The following GRM7 variants were observed in gnomAD, a reference collection of about 807,000 sequenced individuals.
GRM7 encodes metabotropic glutamate receptor 7.
GRM7 carries 35 observed loss-of-function variants against 84.5 expected under a neutral mutation model. The observed-to-expected ratio is 0.41, with a 90% CI of 0.32 to 0.55. GRM7 has a LOEUF of 0.55. Among genes scored for constraint, GRM7 ranks in the 20% least tolerant of loss-of-function variants. GRM7 has a pLI of 0.19. For synonymous variants in GRM7, 487 were observed against 455.1 expected, an observed-to-expected ratio of 1.07 and a Z score of -0.89; for missense variants, 1,003 against 1,194.6, an observed-to-expected ratio of 0.84 and a Z score of 2.36.
At chr3:7,342,650 C>T (rs1156840294) in intron 4 of GRM7, among the ~76,000 whole-genome samples, 1 of 151,312 alleles carries the variant, frequency 6.6e-6, no homozygotes, top group Non-Finnish European at 1.5e-5. Flanking sequence ...TTCCTAGGTT[C>T]CATCCCAGAC....
intron 1 of GRM7, among the ~76,000 whole-genome samples, chr3:7,063,698 C>T (rs111573908): frequency 1.2e-3 from 172 of 140,240 alleles, no homozygotes; most frequent in Non-Finnish European, 2.0e-3. Flanking sequence ...CTAATTGGCT[C>T]ATAGGTGAAA....
chr3:7,110,869 A>G (rs1024108801), intron 1 of GRM7, among the ~76,000 whole-genome samples: 5 of 152,060 alleles, frequency 3.3e-5, no homozygotes, highest in African/African-American at 4.8e-5. Flanking sequence ...AACACAGATG[A>G]GGAACATTCA....
At chr3:7,309,059 G>A (rs550961687) in intron 4 of GRM7, among the ~76,000 whole-genome samples, 2 of 152,288 alleles carry the variant, frequency 1.3e-5, no homozygotes, top group East Asian at 1.9e-4. Context: ...GAGTTCATAT[G>A]AAATTTTCTA....
intron 1 of GRM7, among the ~76,000 whole-genome samples, chr3:7,103,804 TTCTTTCTTTCTTTC>T (rs1330612294): frequency 1.5e-4 from 16 of 104,490 alleles, no homozygotes; most frequent in South Asian, 8.8e-4. Flanking sequence ...CTTTCTTTCT[TTCTTTCTTTCTTTC>T]TCTCTCTCTC....
intron 1 of GRM7, among the ~76,000 whole-genome samples, chr3:7,054,337 TATG>T (rs1298156733): frequency 4.0e-5 from 6 of 149,426 alleles, no homozygotes; most frequent in East Asian, 2.0e-4. Flanking sequence ...ACATCTAATA[TATG>T]ATGATATATA....
At chr3:7,485,058 C>T (rs1341882455) in intron 7 of GRM7, among the ~76,000 whole-genome samples, 1 of 152,170 alleles carries the variant, frequency 6.6e-6, no homozygotes, top group African/African-American at 2.4e-5. Flanking sequence ...TGCCAACAAC[C>T]ACATGGTGAG....
chr3:7,665,290 G>T (rs1699645013), intron 8 of GRM7, among the ~76,000 whole-genome samples: 1 of 150,220 alleles, frequency 6.7e-6, no homozygotes, highest in Non-Finnish European at 1.5e-5. Flanking sequence ...TCCTGCCTCA[G>T]CCTCCCGAGT....
chr3:7,153,133 ATT>A lies in GRM7; in HGVS notation c.736+6485_736+6486del, dbSNP rs34465661. Among the ~76,000 whole-genome samples, 708 of 103,362 alleles carry A rather than the reference ATT, an allele frequency of 6.8e-3. 6 individuals carry two copies. Among genetic ancestry groups the A allele is most frequent in the African/African-American group, 0.025 (652 of 26,060 alleles). 67.8% of individuals were successfully genotyped at this position (103,362 alleles called of 152,430 possible). A position where few individuals can be genotyped will look rare whatever the true frequency, so the allele number is the denominator to read the frequency against. ...TTGCCCAGTAAGCTTGGTACTGTGG[ATT>A]TTTTTTTTTTTTTTTTTTTGGCTTT... On this transcript the variant is annotated intron_variant, in intron 2 of 9. Transcript: ENST00000357716.
chr3:7,206,980 G>A (rs1696261411), intron 2 of GRM7, among the ~76,000 whole-genome samples: 2 of 152,158 alleles, frequency 1.3e-5, no homozygotes, highest in South Asian at 4.2e-4. Context: ...TCGGAGTTAT[G>A]GCTAAAGATG....
intron 1 of GRM7, among the ~76,000 whole-genome samples, chr3:6,918,038 A>G (rs557967966): frequency 6.9e-4 from 105 of 152,298 alleles, no homozygotes; most frequent in Non-Finnish European, 1.1e-3. Context: ...GCAGTCATAT[A>G]ACAACGACAT....
At chr3:6,902,676 A>G (rs1696430158) in intron 1 of GRM7, among the ~76,000 whole-genome samples, 1 of 152,186 alleles carries the variant, frequency 6.6e-6, no homozygotes, top group Admixed American at 6.5e-5. Flanking sequence ...AAAGCAAAAC[A>G]TAATTGTCTA....
chr3:6,921,708 C>T (rs1161277120), intron 1 of GRM7, among the ~76,000 whole-genome samples: 1 of 152,060 alleles, frequency 6.6e-6, no homozygotes, highest in Non-Finnish European at 1.5e-5. Flanking sequence ...TTGAAGGTTC[C>T]TACCAAGGGA....
intron 7 of GRM7, among the ~76,000 whole-genome samples, chr3:7,492,313 C>G (rs1188332696): frequency 1.3e-5 from 2 of 152,110 alleles, no homozygotes; most frequent in Non-Finnish European, 2.9e-5. Context: ...GGTAGAATTT[C>G]CCCATGAAGC....
chr3:6,960,750 A>ACCCAGGTT (rs1283426291), intron 1 of GRM7, among the ~76,000 whole-genome samples: 1 of 152,110 alleles, frequency 6.6e-6, no homozygotes, highest in African/African-American at 2.4e-5. Flanking sequence ...TCCCTTGATG[A>ACCCAGGTT]CCCAGGTTCC....
chr3:7,266,691 C>A (rs1698654009), intron 2 of GRM7, among the ~76,000 whole-genome samples: 1 of 152,084 alleles, frequency 6.6e-6, no homozygotes. Context: ...TTTACTATAA[C>A]CCAGAAAAAC....
chr3:7,276,922 T>G (rs571048196), intron 2 of GRM7, among the ~76,000 whole-genome samples: 16 of 152,150 alleles, frequency 1.1e-4, no homozygotes, highest in African/African-American at 3.9e-4. Flanking sequence ...TGATTTGTTG[T>G]GAAAGTCCAA....
intron 7 of GRM7, among the ~76,000 whole-genome samples, chr3:7,501,636 A>G (rs1699886882): frequency 6.6e-6 from 1 of 152,168 alleles, no homozygotes; most frequent in African/African-American, 2.4e-5. Context: ...TATCGACTAC[A>G]CTAAGCTACC....
intron 7 of GRM7, among the ~76,000 whole-genome samples, chr3:7,497,758 C>T (rs1311979010): frequency 2.0e-5 from 3 of 152,242 alleles, no homozygotes; most frequent in South Asian, 2.1e-4. Context: ...AATTTAAGTC[C>T]TAACTTCACC....
intron 1 of GRM7, among the ~76,000 whole-genome samples, chr3:6,982,996 A>C (rs1230156323): frequency 6.6e-6 from 1 of 152,214 alleles, no homozygotes; most frequent in Non-Finnish European, 1.5e-5. Context: ...GTAAATGCCA[A>C]ATAATGGGAT....
Sources: allele counts gnomAD v4.1 joint callset (sites outside exome capture counted in the v4.1 genomes callset), GRCh38; gene constraint gnomAD v4.1.1; transcripts MANE v1.5; gene names NCBI Gene and HGNC (gene_info 2026-07-23, HGNC 2026-07-21).